COL24A1: variants seen among roughly 807,000 people sequenced by gnomAD.
The protein encoded by COL24A1 is collagen type XXIV alpha 1 chain.
A neutral mutation model predicts 253.9 loss-of-function variants in COL24A1; 224 were observed. The observed-to-expected ratio is 0.88, with a 90% CI of 0.79 to 0.99. The LOEUF (loss-of-function observed/expected upper bound fraction) is 0.99. COL24A1 is among the 50% of genes least tolerant of loss of function. The pLI is 0.00. For missense variants in COL24A1, 2,131 were observed against 2,068.5 expected, an observed-to-expected ratio of 1.03 and a Z score of -0.59; for synonymous variants, 685 against 673.7, an observed-to-expected ratio of 1.02 and a Z score of -0.26.
chr1:86,007,233 CAAACCCA>C (rs1490897851), intron 19 of COL24A1, among the ~76,000 whole-genome samples: 17 of 151,990 alleles, frequency 1.1e-4, no homozygotes, highest in Middle Eastern at 6.8e-3. Context: ...AACAAACAAA[CAAACCCA>C]CCACCACCAC....
intron 37 of COL24A1, among the ~76,000 whole-genome samples, chr1:85,864,455 T>C (rs1427242958): frequency 6.6e-6 from 1 of 152,010 alleles, no homozygotes; most frequent in Non-Finnish European, 1.5e-5. Flanking sequence ...GACTAGTTAA[T>C]GGGTGCAGCA....
rs550116505 is a variant in COL24A1, at chr1:85,860,364, C to A, written c.3300+8155G>T. Among the ~76,000 whole-genome samples the A allele has an allele frequency of 1.2e-3, 182 of 152,292 alleles. 2 individuals carry two copies. The Middle Eastern group carries it at 0.027, about 23-fold the overall frequency. ...TATCATAAGAAGTCACTCCCCATTT[C>A]TTTCCAACCCCTCTAGCCCTAGGCA... On this transcript the variant is annotated intron_variant, in intron 37 of 59. Transcript: ENST00000370571.
intron 7 of COL24A1, among the ~76,000 whole-genome samples, chr1:86,077,624 G>A (rs1046630787): frequency 1.3e-5 from 2 of 152,152 alleles, no homozygotes; most frequent in African/African-American, 4.8e-5. Flanking sequence ...TAAAGAAAAT[G>A]TGGCACATAT....
chr1:85,826,580 T>C (rs1426423923), intron 43 of COL24A1, among the ~76,000 whole-genome samples: 2 of 150,300 alleles, frequency 1.3e-5, no homozygotes, highest in Non-Finnish European at 3.0e-5. Context: ...TTCCATTTGT[T>C]TGTATCCTCT....
At chr1:85,797,045 A>C (rs560507299) in intron 47 of COL24A1, among the ~76,000 whole-genome samples, 11 of 131,412 alleles carry the variant, frequency 8.4e-5, no homozygotes, top group Non-Finnish European at 1.7e-4. Flanking sequence ...CCAAAAATAC[A>C]AAAAAAAAAA....
At position 85,955,144 on chromosome 1, in the gene COL24A1, C is replaced by G. The variant is rs575430994; in HGVS notation, c.2562+6105G>C. On this transcript the variant is annotated intron_variant, in intron 24 of 59. Coordinates refer to ENST00000370571, the MANE Select transcript of COL24A1 (RefSeq NM_152890.7). ...GTGGATGATAAGAGAAGCAGAATAA[C>G]ACAACAACAGACACCAGCAGGCCAT... Among the ~76,000 whole-genome samples the G allele has an allele frequency of 5.6e-4, 85 of 152,238 alleles. No individual in the cohort carries two copies. The Middle Eastern group carries it at 0.01, about 18-fold the overall frequency.
chr1:85,887,294 A>T (rs1196709452), intron 32 of COL24A1, among the ~76,000 whole-genome samples: 1 of 152,152 alleles, frequency 6.6e-6, no homozygotes, highest in African/African-American at 2.4e-5. Flanking sequence ...TAAATGAACA[A>T]AATAATAAAA....
intron 10 of COL24A1, among the ~76,000 whole-genome samples, chr1:86,051,812 T>C (rs894516696): frequency 1.3e-5 from 2 of 152,088 alleles, no homozygotes; most frequent in African/African-American, 4.8e-5. Context: ...TGTTAACCAC[T>C]GATAGAAATA....
intron 37 of COL24A1, among the ~76,000 whole-genome samples, chr1:85,850,739 T>C (rs1003112904): frequency 6.6e-6 from 1 of 152,104 alleles, no homozygotes; most frequent in Non-Finnish European, 1.5e-5. Flanking sequence ...CAGATTCCTG[T>C]TAAATAAAAG....
chr1:86,030,740 T>A (rs904765660), intron 14 of COL24A1, among the ~76,000 whole-genome samples: 3 of 144,270 alleles, frequency 2.1e-5, no homozygotes, highest in African/African-American at 7.9e-5. Context: ...GCTAATTTTC[T>A]TTTTTCTTTC....
chr1:85,970,333 T>C (rs994414056), intron 21 of COL24A1, 62 bp from the exon 22 acceptor site: 2 of 1,356,850 alleles, frequency 1.5e-6, no homozygotes, highest in Non-Finnish European at 2.0e-6. Context: ...AAATGTAAAC[T>C]CTTATTTTCT....
chr1:86,076,375 T>C (rs1165608243), intron 7 of COL24A1, among the ~76,000 whole-genome samples: 1 of 152,068 alleles, frequency 6.6e-6, no homozygotes, highest in Non-Finnish European at 1.5e-5. Flanking sequence ...AAACCACTGC[T>C]CAAGGAAATA....
intron 28 of COL24A1, among the ~76,000 whole-genome samples, chr1:85,906,734 A>T (rs1684873514): frequency 6.6e-6 from 1 of 151,938 alleles, no homozygotes; most frequent in Non-Finnish European, 1.5e-5. Context: ...TGTATACATG[A>T]TTATTAGACA....
At chr1:85,781,502 T>TA (rs1297111963) in intron 51 of COL24A1, among the ~76,000 whole-genome samples, 1 of 152,180 alleles carries the variant, frequency 6.6e-6, no homozygotes, top group East Asian at 1.9e-4. Flanking sequence ...GTATAATTTC[T>TA]AAAAAACTGA....
At chr1:85,850,458 C>T (rs1279037389) in intron 37 of COL24A1, among the ~76,000 whole-genome samples, 2 of 152,180 alleles carry the variant, frequency 1.3e-5, no homozygotes, top group African/African-American at 4.8e-5. Context: ...AAATGCTCTT[C>T]TAGCCTCAGA....
At chr1:85,839,499 G>A (rs538305480) in intron 42 of COL24A1, among the ~76,000 whole-genome samples, 1 of 151,916 alleles carries the variant, frequency 6.6e-6, no homozygotes, top group South Asian at 2.1e-4. Context: ...TGAGATAGGA[G>A]GATCCCTTGA....
intron 47 of COL24A1, among the ~76,000 whole-genome samples, chr1:85,799,128 C>T (rs1458621875): frequency 7.9e-5 from 12 of 151,532 alleles, no homozygotes; most frequent in Non-Finnish European, 7.4e-5. Context: ...TGTACTGTCC[C>T]TCAGTTACAG....
At chr1:85,760,657 G>T (rs1030090883) in intron 55 of COL24A1, among the ~76,000 whole-genome samples, 2 of 152,084 alleles carry the variant, frequency 1.3e-5, no homozygotes, top group South Asian at 2.1e-4. Context: ...CTATTGTTTG[G>T]GATGGTGTAG....
chr1:85,878,654 G>T (rs182978117), intron 32 of COL24A1, among the ~76,000 whole-genome samples: 82 of 152,270 alleles, frequency 5.4e-4, no homozygotes, highest in African/African-American at 1.8e-3. Flanking sequence ...TTAAAAAACT[G>T]CCATACTGTC....
Sources: gnomAD v4.1 joint callset for allele counts (sites outside exome capture counted in the v4.1 genomes callset) on GRCh38, gnomAD v4.1.1 for gene constraint, MANE v1.5 for transcripts, NCBI Gene and HGNC (gene_info 2026-07-23, HGNC 2026-07-21) for gene names.